Variants in PLEKHA7 observed in about 807,000 individuals in gnomAD.
PLEKHA7 encodes pleckstrin homology domain-containing family A member 7.
In PLEKHA7, 104 loss-of-function variants were observed where a neutral mutation model predicts 170.0. That is an observed-to-expected ratio of 0.61 (90% CI 0.52 to 0.72). PLEKHA7 has a LOEUF of 0.72. Among genes scored for constraint, PLEKHA7 ranks in the 30% least tolerant of loss-of-function variants. The pLI is 0.00. For synonymous variants in PLEKHA7, 648 were observed against 660.8 expected, an observed-to-expected ratio of 0.98 and a Z score of 0.30; for missense variants, 1,615 against 1,671.7, an observed-to-expected ratio of 0.97 and a Z score of 0.59.
intron 4 of PLEKHA7, among the ~76,000 whole-genome samples, chr11:16,861,629 C>G (rs1050158379): frequency 3.3e-5 from 5 of 152,058 alleles, no homozygotes; most frequent in African/African-American, 9.7e-5. Context: ...AGCCTTGGCA[C>G]AGAGCAAGGC....
At chr11:16,799,757 G>T (rs1313723507) in intron 17 of PLEKHA7, among the ~76,000 whole-genome samples, 2 of 152,196 alleles carry the variant, frequency 1.3e-5, no homozygotes, top group East Asian at 1.9e-4. Context: ...TAGCCAGTGT[G>T]GATGAAGAGA....
At chr11:16,827,615 G>A (rs893313181) in intron 9 of PLEKHA7, among the ~76,000 whole-genome samples, 1 of 152,170 alleles carries the variant, frequency 6.6e-6, no homozygotes. Context: ...ATCTCCCTCT[G>A]TAAGCTGCCC....
At chr11:16,957,932 T>C (rs975051441) in intron 3 of PLEKHA7, among the ~76,000 whole-genome samples, 6 of 151,970 alleles carry the variant, frequency 3.9e-5, no homozygotes, top group Non-Finnish European at 5.9e-5. Flanking sequence ...CTCAAACTCC[T>C]GACCTCGTGA....
chr11:17,005,891 T>A (rs1005636493), intron 3 of PLEKHA7, among the ~76,000 whole-genome samples: 2 of 152,218 alleles, frequency 1.3e-5, no homozygotes, highest in Non-Finnish European at 2.9e-5. Context: ...ATATAAAGCA[T>A]GGGATTCTGC....
intron 11 of PLEKHA7, 99 bp downstream of exon 11, chr11:16,816,701 A>G: frequency 7.1e-7 from 1 of 1,407,092 alleles, no homozygotes; most frequent in Non-Finnish European, 9.7e-7. Flanking sequence ...ATTAGCTATC[A>G]TTATTATCCC....
chr11:17,014,237 C>T (rs1292046796), intron 1 of PLEKHA7, 36 bp from the exon 2 acceptor site: 1 of 1,444,340 alleles, frequency 6.9e-7, no homozygotes, highest in South Asian at 1.5e-5. Context: ...AGCGCCGCCA[C>T]AGCCCGCCGG....
rs1188253558 is a variant in PLEKHA7, at chr11:16,791,096, T to C, written c.2849A>G (p.His950Arg). The C allele has an allele frequency of 1.9e-6, 3 of 1,614,018 alleles. No homozygotes were observed. The highest frequency in any genetic ancestry group is 1.7e-5 in the Admixed American group (1 of 59,998). Reference sequence around the variant, plus strand: ...CCGCTTGAGGCCCCGCACAGATGTGTGCCGGATGATGGTGGCCTCTCTTGG... The same window carrying C: ...CCGCTTGAGGCCCCGCACAGATGTGCGCCGGATGATGGTGGCCTCTCTTGG... ...PLPREATIIR[H>R]TSVRGLKRQS... is the part of the protein sequence containing the mutation. The change falls in exon 20 of 27, where the codon CAC (histidine) becomes CGC (arginine). Residue 950 changes from histidine to arginine, a missense_variant. By Grantham distance (29) the His-to-Arg change is conservative (BLOSUM62 0). Transcript: ENST00000531066. This position sits in a 1 kb window ranked among gnomAD's most constrained non-coding sequence, Gnocchi z 4.5.
chr11:16,794,443 C>T (rs748925562), intron 19 of PLEKHA7, 45 bp downstream of exon 19: 1 of 1,554,432 alleles, frequency 6.4e-7, no homozygotes, highest in Non-Finnish European at 8.9e-7. Flanking sequence ...AATCTGAGGA[C>T]AGAGAGGAAA....
chr11:16,785,539 T>C (rs896558335), intron 24 of PLEKHA7, among the ~76,000 whole-genome samples: 1 of 152,170 alleles, frequency 6.6e-6, no homozygotes, highest in Admixed American at 6.5e-5. Context: ...AGGAATAGCA[T>C]CGACATAGGC....
chr11:16,898,240 C>T (rs1857117435), intron 3 of PLEKHA7, among the ~76,000 whole-genome samples: 1 of 152,184 alleles, frequency 6.6e-6, no homozygotes, highest in Non-Finnish European at 1.5e-5. Context: ...TTTTATCAAA[C>T]ATTATGAAAC....
At chr11:17,012,497 A>G (rs35248152) in intron 3 of PLEKHA7, among the ~76,000 whole-genome samples, 35,365 of 152,160 alleles carry the variant, frequency 0.23, 5,162 homozygotes, top group East Asian at 0.38. Flanking sequence ...CAGAAACACC[A>G]TCCCGATCTC....
chr11:16,855,902 A>T lies in PLEKHA7; in HGVS notation c.318T>A (p.His106Gln), dbSNP rs1181231810. 6.2e-7 allele frequency: 1 copy of T among 1,613,924 alleles called. No individual in the cohort carries two copies. The highest frequency in any genetic ancestry group is 2.2e-5 in the East Asian group (1 of 44,878). Residue 106 changes from histidine (H) to glutamine (Q), a missense_variant, in exon 5 of 27, where the codon CAT becomes CAA. His to Gln is a conservative substitution (Grantham distance 24). Coordinates refer to ENST00000531066, the MANE Select transcript of PLEKHA7 (RefSeq NM_001329630.2). ...TTTGGTTTCTGTCTTGCTTCGACAT[A>T]TGTGGATTCGGCCTGTGAGGAGACA... ...EFILQEEPNP[H>Q]MSKQDRNQRP...
Position 16,794,544 on chromosome 11 carries a change from G to C in PLEKHA7, c.2689C>G (p.Gln897Glu), listed in dbSNP as rs1231960156. 6.2e-7 allele frequency: 1 copy of C among 1,613,864 alleles called. No individual in the cohort carries two copies. Among genetic ancestry groups the C allele is most frequent in the African/African-American group, 1.3e-5 (1 of 74,882 alleles). ...AGGGGGGATGTCACTTTCCTCAGCT[G>C]GGGTGGGTGAGGTCGGTACGGCACG... The part of the protein sequence containing the change: ...TYVPYRPHPP[Q>E]LRKVTSPLQS... Residue 897 changes from glutamine to glutamate, a missense_variant, in exon 19 of 27, where the codon CAG (glutamine) becomes GAG (glutamate). Gln to Glu is a conservative substitution (Grantham distance 29). Coordinates refer to ENST00000531066, the MANE Select transcript of PLEKHA7 (RefSeq NM_001329630.2).
chr11:16,979,810 C>T (rs1362634341), intron 3 of PLEKHA7, among the ~76,000 whole-genome samples: 1 of 152,052 alleles, frequency 6.6e-6, no homozygotes, highest in East Asian at 1.9e-4. Context: ...ACCAATATTT[C>T]TCCTCATTTG....
intron 3 of PLEKHA7, among the ~76,000 whole-genome samples, chr11:16,931,069 T>C (rs1197271987): frequency 6.6e-6 from 1 of 152,176 alleles, no homozygotes; most frequent in Non-Finnish European, 1.5e-5. Flanking sequence ...TAAATACAAG[T>C]TTTAATAAAA....
chr11:16,935,472 G>T (rs1250397513), intron 3 of PLEKHA7, among the ~76,000 whole-genome samples: 1 of 152,210 alleles, frequency 6.6e-6, no homozygotes, highest in Non-Finnish European at 1.5e-5. Context: ...GAGGGGTAAA[G>T]GCATGTCAGT....
At chr11:16,955,318 T>C (rs913588303) in intron 3 of PLEKHA7, among the ~76,000 whole-genome samples, 2 of 152,214 alleles carry the variant, frequency 1.3e-5, no homozygotes, top group Non-Finnish European at 2.9e-5. Context: ...TTGCTTCCTA[T>C]TGAGCATTCC....
chr11:16,863,727 C>T (rs1854165208), intron 4 of PLEKHA7, among the ~76,000 whole-genome samples: 2 of 152,096 alleles, frequency 1.3e-5, no homozygotes, highest in Non-Finnish European at 2.9e-5. Flanking sequence ...ACACGGGCAC[C>T]AAACATCAAA....
rs376506644 is a variant in PLEKHA7 at position 16,946,143 on chromosome 11, G to A, written c.221+67846C>T. 1.2e-4 allele frequency among the ~76,000 whole-genome samples: 18 copies of A among 152,300 alleles called. No homozygotes were observed. The South Asian group carries it at 1.5e-3, about 12-fold the overall frequency. On this transcript the variant is annotated intron_variant, in intron 3 of 26. Coordinates refer to ENST00000531066, the MANE Select transcript of PLEKHA7 (RefSeq NM_001329630.2). ...GTGGCGCCACCCATGATCTTTCCCC[G>A]TCTGGGTGCTTCTGCTTCTAGCTCC...
Sources: allele counts gnomAD v4.1 joint callset (sites outside exome capture counted in the v4.1 genomes callset), GRCh38; gene constraint gnomAD v4.1.1; non-coding constraint Gnocchi (gnomAD v3.1); transcripts MANE v1.5; gene names NCBI Gene and HGNC (gene_info 2026-07-23, HGNC 2026-07-21).